The following GJA1 variants were observed in gnomAD, a reference collection of about 807,000 sequenced individuals.
GJA1 encodes the protein gap junction protein alpha 1.
Under a neutral mutation model 31.0 loss-of-function variants are expected in GJA1, and 9 were observed. The ratio of observed to expected loss-of-function variants is 0.29; its 90% CI spans 0.17 to 0.51. The LOEUF (loss-of-function observed/expected upper bound fraction) is 0.51, where lower values mean the gene tolerates loss of function less well. Ranked by LOEUF, GJA1 falls within the 20% of genes least tolerant of loss-of-function variation. The pLI is 0.98. For missense variants in GJA1, 278 were observed against 468.8 expected (o/e 0.59, Z 3.76); for synonymous variants, 186 against 180.1 (o/e 1.03, Z -0.26).
intron 1 of GJA1, among the ~76,000 whole-genome samples, chr6:121,436,676 C>T (rs1773667788): frequency 6.6e-6 from 1 of 152,084 alleles, no homozygotes; most frequent in African/African-American, 2.4e-5. Context: ...CCAAAACCGT[C>T]TCCTAAAACG....
At chr6:121,437,540 C>T (rs1773690573) in intron 1 of GJA1, among the ~76,000 whole-genome samples, 1 of 151,976 alleles carries the variant, frequency 6.6e-6, no homozygotes, top group Non-Finnish European at 1.5e-5. Flanking sequence ...AGGAGAGACC[C>T]TCGGGAAGCT....
intron 1 of GJA1, among the ~76,000 whole-genome samples, chr6:121,436,387 C>T (rs953696983): frequency 1.3e-5 from 2 of 152,138 alleles, no homozygotes; most frequent in Non-Finnish European, 2.9e-5. Context: ...GTTAAAACAT[C>T]GTGGTTACTT....
intron 1 of GJA1, among the ~76,000 whole-genome samples, chr6:121,446,374 ATG>A (rs1394829390): frequency 2.0e-5 from 3 of 152,230 alleles, no homozygotes; most frequent in African/African-American, 7.2e-5. Context: ...AAGGTTATGG[ATG>A]TGTGTTTATA....
In GJA1 at chr6:121,448,020, T is replaced by G. The variant is rs1582559042; in HGVS notation, c.*24T>G. The stretch of plus-strand genomic sequence containing the variant: ...AGATACAGGCTTGAAAGCATCAAGA[T>G]TCCACTCAATTGTGGAGAAGAAAAA... On this transcript the variant is annotated 3_prime_UTR_variant, in exon 2 of 2. Coordinates refer to ENST00000282561, the MANE Select transcript of GJA1 (RefSeq NM_000165.5). 3 of 1,598,290 alleles carry G rather than the reference T, an allele frequency of 1.9e-6. No homozygotes were observed. The highest frequency in any genetic ancestry group is 2.6e-6 in the Non-Finnish European group (3 of 1,165,698).
intron 1 of GJA1, among the ~76,000 whole-genome samples, chr6:121,438,021 C>T (rs1773697988): frequency 6.6e-6 from 1 of 151,654 alleles, no homozygotes; most frequent in African/African-American, 2.4e-5. Context: ...TGAAATAAGC[C>T]AGTTAGACAG....
At chr6:121,442,206 A>G (rs1413905576) in intron 1 of GJA1, among the ~76,000 whole-genome samples, 1 of 152,174 alleles carries the variant, frequency 6.6e-6, no homozygotes, top group South Asian at 2.1e-4. Flanking sequence ...CTCCATTCTC[A>G]ACTCATTACA....
chr6:121,439,703 A>C (rs1289020127), intron 1 of GJA1, among the ~76,000 whole-genome samples: 1 of 152,118 alleles, frequency 6.6e-6, no homozygotes, highest in African/African-American at 2.4e-5. Flanking sequence ...AGTGGATGCT[A>C]ATGTAAGTTC....
At chr6:121,437,778 G>A (rs1055732865) in intron 1 of GJA1, among the ~76,000 whole-genome samples, 3 of 152,164 alleles carry the variant, frequency 2.0e-5, no homozygotes, top group Non-Finnish European at 4.4e-5. Flanking sequence ...AAAAAGAAGC[G>A]TGGCTTTATT....
chr6:121,439,608 T>G (rs544393689), intron 1 of GJA1, among the ~76,000 whole-genome samples: 13 of 152,276 alleles, frequency 8.5e-5, no homozygotes, highest in African/African-American at 2.9e-4. Context: ...GCTGTTGAAC[T>G]AGGGAGAGGA....
At chr6:121,444,110 A>C (rs1055525618) in intron 1 of GJA1, among the ~76,000 whole-genome samples, 1 of 152,088 alleles carries the variant, frequency 6.6e-6, no homozygotes, top group Non-Finnish European at 1.5e-5. Flanking sequence ...CAAACTGTCC[A>C]TCACGGCTAA....
In GJA1 at chr6:121,447,392, G is replaced by A; in HGVS notation, c.545G>A (p.Ser182Asn). The change falls in exon 2 of 2, where the codon AGT becomes AAT. Residue 182 changes from serine to asparagine, a missense_variant. Around this residue, in one of 3 missense-constraint regions of GJA1, gnomAD observed 80 missense variants for 163.5 expected, o/e 0.49. Transcript: ENST00000282561. ...IQWYIYGFSL[S>N]AVYTCKRDPC... ...TGGTACATCTATGGATTCAGCTTGA[G>A]TGCTGTTTACACTTGCAAAAGAGAT... is the stretch of plus-strand genomic sequence containing the variant. 6.2e-7 allele frequency: 1 copy of A among 1,614,010 alleles called. No individual in the cohort carries two copies. Among genetic ancestry groups the A allele is most frequent in the Non-Finnish European group, 8.5e-7 (1 of 1,179,914 alleles).
chr6:121,447,838 C>T lies in GJA1; in HGVS notation c.991C>T (p.His331Tyr), dbSNP rs66916792. 6.8e-6 allele frequency: 11 copies of T among 1,613,776 alleles called. No homozygotes were observed. The African/African-American group carries it at 1.3e-4, about 20-fold the overall frequency. Residue 331 changes from histidine (H) to tyrosine (Y), a missense_variant, in exon 2 of 2, where the codon CAT (histidine) becomes TAT (tyrosine). Coordinates refer to ENST00000282561, the MANE Select transcript of GJA1 (RefSeq NM_000165.5). The stretch of plus-strand genomic sequence containing the variant: ...GGCGGGAAGCACCATCTCTAACTCC[C>T]ATGCACAGCCTTTTGATTTCCCCGA... ...GQAGSTISNS[H>Y]AQPFDFPDDN...
intron 1 of GJA1, among the ~76,000 whole-genome samples, chr6:121,438,490 ATTCT>A (rs1272826950): frequency 6.6e-6 from 1 of 152,134 alleles, no homozygotes; most frequent in Non-Finnish European, 1.5e-5. Context: ...CACGGGGTGC[ATTCT>A]TTCTTTTCTT....
rs886061014 is a variant in GJA1, at chr6:121,448,534, G to A, written c.*538G>A. On this transcript the variant is annotated 3_prime_UTR_variant, in exon 2 of 2. Coordinates refer to ENST00000282561, the MANE Select transcript of GJA1 (RefSeq NM_000165.5). ...GCTTTCTAGGCCTGACCCTCCAGGT[G>A]TCAATGGACTTGTGCTACTATATTT... 2.3e-5 allele frequency: 4 copies of A among 174,618 alleles called. No individual in the cohort carries two copies. In the South Asian group the frequency reaches 5.2e-4, roughly 23 times the overall value. 10.8% of individuals were successfully genotyped at this position (174,618 alleles called of 1,614,324 possible). A position where few individuals can be genotyped will look rare whatever the true frequency, so the allele number is the denominator to read the frequency against.
intron 1 of GJA1, among the ~76,000 whole-genome samples, chr6:121,441,076 G>T (rs1157795741): frequency 6.6e-6 from 1 of 152,114 alleles, no homozygotes; most frequent in African/African-American, 2.4e-5. Context: ...CCGAGTAGCT[G>T]GGACTACAGG....
intron 1 of GJA1, among the ~76,000 whole-genome samples, chr6:121,441,090 C>A (rs563465961): frequency 6.6e-6 from 1 of 152,096 alleles, no homozygotes; most frequent in Non-Finnish European, 1.5e-5. Context: ...CTACAGGTGC[C>A]CGCCACCACG....
rs1773947511 is a variant in GJA1, at chr6:121,449,451, A to G, written c.*1455A>G. ...GTACACATACAACTAATTTATTTGAACTATATGTTGAAGACATCTACCAGT... is the reference window on the plus strand; with the variant it reads ...GTACACATACAACTAATTTATTTGAGCTATATGTTGAAGACATCTACCAGT... On this transcript the variant is annotated 3_prime_UTR_variant, in exon 2 of 2. Coordinates refer to ENST00000282561, the MANE Select transcript of GJA1 (RefSeq NM_000165.5). The G allele has an allele frequency of 6.0e-6, 1 of 167,116 alleles. No individual in the cohort carries two copies. Among genetic ancestry groups the G allele is most frequent in the South Asian group, 2.1e-4 (1 of 4,838 alleles). The allele number at this position is 167,116 out of a possible 1,614,324, so 10.4% of individuals were successfully genotyped here.
Position 121,447,338 on chromosome 6 carries a change from T to C in GJA1, c.491T>C (p.Ile164Thr). ...TYIISILFKSIFEVAFLLIQW... is the reference protein window; with the variant it reads ...TYIISILFKSTFEVAFLLIQW... ...ATCATCAGTATCCTCTTCAAGTCTA[T>C]CTTTGAGGTGGCCTTCTTGCTGATC... Residue 164 changes from isoleucine to threonine, a missense_variant, in exon 2 of 2, where the codon ATC becomes ACC. This residue lies in a region of GJA1 where 80 missense variants were observed against 163.5 expected (regional missense o/e 0.49). Transcript: ENST00000282561. 6.2e-7 allele frequency: 1 copy of C among 1,614,132 alleles called. No individual in the cohort carries two copies. Among genetic ancestry groups the C allele is most frequent in the South Asian group, 1.1e-5 (1 of 91,078 alleles).
chr6:121,438,713 A>G (rs1773712387), intron 1 of GJA1, among the ~76,000 whole-genome samples: 1 of 152,200 alleles, frequency 6.6e-6, no homozygotes, highest in East Asian at 1.9e-4. Flanking sequence ...AAAAGTAATT[A>G]TCTAGTGTTT....
Sources: allele counts gnomAD v4.1 joint callset (sites outside exome capture counted in the v4.1 genomes callset), GRCh38; gene constraint gnomAD v4.1.1; regional missense constraint gnomAD v4.1.1; transcripts MANE v1.5; gene names NCBI Gene and HGNC (gene_info 2026-07-23, HGNC 2026-07-21).